The following ABCF2 variants were observed in gnomAD, a reference collection of about 807,000 sequenced individuals.
The protein encoded by ABCF2 is ATP-binding cassette sub-family F member 2.
A neutral mutation model predicts 76.9 loss-of-function variants in ABCF2; 37 were observed. The observed-to-expected ratio is 0.48, with a 90% CI of 0.37 to 0.63. The LOEUF is 0.63. Ranked by LOEUF, ABCF2 falls within the 30% of genes least tolerant of loss-of-function variation. ABCF2 has a pLI of 0.00. For synonymous variants in ABCF2, 299 were observed against 283.7 expected (o/e 1.05, Z -0.54); for missense variants, 524 against 782.1 (o/e 0.67, Z 3.94).
chr7:151,221,753 C>A, intron 6 of ABCF2, 73 bp from the exon 7 acceptor site: 1 of 1,122,254 alleles, frequency 8.9e-7, no homozygotes, highest in South Asian at 1.2e-5. Flanking sequence ...AACTGAAAGT[C>A]AGGCCCATCC....
At chr7:151,218,231 A>C in intron 10 of ABCF2, 40 bp from the exon 11 acceptor site, 1 of 1,400,158 alleles carries the variant, frequency 7.1e-7, no homozygotes, top group East Asian at 2.3e-5. Context: ...CAAGGCTAGA[A>C]TACAGATCTG....
rs201099390 is a variant in ABCF2 at position 151,216,016 on chromosome 7, T to C, written c.1352A>G (p.Asp451Gly). 6.2e-7 allele frequency: 1 copy of C among 1,614,112 alleles called. No homozygotes were observed. The highest frequency in any genetic ancestry group is 8.5e-7 in the Non-Finnish European group (1 of 1,179,982). Residue 451 changes from aspartate (D) to glycine (G), a missense_variant, in exon 12 of 15, where the codon GAT becomes GGT. By Grantham distance (94) the Asp-to-Gly change is moderately conservative. Transcript: ENST00000287844. The part of the protein sequence containing the change: ...KLLTGELLPT[D>G]GMIRKHSHVK... ...ATGAGAGTGTTTTCGGATCATGCCA[T>C]CTGTGGGTAGTAGCTAGGAAGAAAA... is the stretch of plus-strand genomic sequence containing the variant.
At chr7:151,220,101 GAA>G (rs930006481) in intron 7 of ABCF2, among the ~76,000 whole-genome samples, 1 of 148,392 alleles carries the variant, frequency 6.7e-6, no homozygotes, top group African/African-American at 2.5e-5. Context: ...CCCATCTCGA[GAA>G]AAAAGAGGCC....
chr7:151,212,295 A>G lies in ABCF2; in HGVS notation c.*1759T>C, dbSNP rs999274964. On this transcript the variant is annotated 3_prime_UTR_variant, in exon 15 of 15. Coordinates refer to ENST00000287844, the MANE Select transcript of ABCF2 (RefSeq NM_007189.3). The stretch of plus-strand genomic sequence containing the variant: ...CTATTGAAGTTCAAAAGACCCAGAT[A>G]AGGTATGCAGAGCCCTGGGCTGGAA... 5 of 985,390 alleles carry G rather than the reference A, an allele frequency of 5.1e-6. No individual in the cohort carries two copies. The highest frequency in any genetic ancestry group is 6.0e-6 in the Non-Finnish European group (5 of 829,942). 61.0% of individuals were successfully genotyped at this position (985,390 alleles called of 1,614,324 possible).
chr7:151,224,091 T>C lies in ABCF2; in HGVS notation c.391A>G (p.Ile131Val), dbSNP rs369375304. The change falls in exon 4 of 15, where the codon ATT becomes GTT. Residue 131 changes from isoleucine to valine, a missense_variant. Coordinates refer to ENST00000287844, the MANE Select transcript of ABCF2 (RefSeq NM_007189.3). ...GIGKSMLLSA[I>V]GKREVPIPEH... ...GGGATGGGCACTTCACGCTTCCCAA[T>C]AGCAGAGAGCAGCATGGACTTTCCT... 98 of 1,614,028 alleles carry C rather than the reference T, an allele frequency of 6.1e-5. No homozygotes were observed. Among genetic ancestry groups the C allele is most frequent in the East Asian group, 2.9e-4 (13 of 44,896 alleles).
intron 10 of ABCF2, 58 bp downstream of exon 10, chr7:151,218,503 T>G: frequency 2.9e-5 from 42 of 1,443,758 alleles, no homozygotes; most frequent in Non-Finnish European, 3.8e-5. Context: ...GCAACTCCCA[T>G]GAGCTGCCAC....
Position 151,213,734 on chromosome 7 carries a change from T to A in ABCF2, c.*320A>T. ...TCCTCCGCAGGCCAAATCCAGGGCT[T>A]GGGCCCCTGGGCTAACCCGCAGGTG... On this transcript the variant is annotated 3_prime_UTR_variant, in exon 15 of 15. Transcript: ENST00000287844. The A allele has an allele frequency of 9.0e-7, 1 of 1,116,536 alleles. No homozygotes were observed. Among genetic ancestry groups the A allele is most frequent in the Middle Eastern group, 3.9e-4 (1 of 2,590 alleles). The allele number at this position is 1,116,536 out of a possible 1,614,324, so 69.2% of individuals were successfully genotyped here. A position where few individuals can be genotyped will look rare whatever the true frequency, so the allele number is the denominator to read the frequency against.
At chr7:151,225,524 G>A (rs1802355065) in intron 2 of ABCF2, among the ~76,000 whole-genome samples, 1 of 152,246 alleles carries the variant, frequency 6.6e-6, no homozygotes, top group Non-Finnish European at 1.5e-5. Context: ...TTGACTGAGA[G>A]ACGCTTCATT....
At position 151,213,006 on chromosome 7, in the gene ABCF2, C is replaced by T; in HGVS notation, c.*1048G>A. 1.1e-6 allele frequency: 1 copy of T among 926,304 alleles called. No individual in the cohort carries two copies. The highest frequency in any genetic ancestry group is 1.3e-6 in the Non-Finnish European group (1 of 776,114). The allele number at this position is 926,304 out of a possible 1,614,324, so 57.4% of individuals were successfully genotyped here. On this transcript the variant is annotated 3_prime_UTR_variant, in exon 15 of 15. Coordinates refer to ENST00000287844, the MANE Select transcript of ABCF2 (RefSeq NM_007189.3). ...CTTGAACTCCTGAGCTCAAGTGATC[C>T]ACCTGCCTCAGCCTCCCAAAGCGCT...
At chr7:151,224,216 T>C in intron 3 of ABCF2, 102 bp from the exon 4 acceptor site, 1 of 1,243,234 alleles carries the variant, frequency 8.0e-7, no homozygotes, top group Non-Finnish European at 1.1e-6. Context: ...ATCCATTTTT[T>C]TTTTTTTGAG....
At chr7:151,221,722 G>A (rs1219117867) in intron 6 of ABCF2, 42 bp from the exon 7 acceptor site, 3 of 1,417,126 alleles carry the variant, frequency 2.1e-6, no homozygotes. Flanking sequence ...CTCAACCATG[G>A]GAGCTAGCTG....
chr7:151,216,561 G>A (rs753972047), intron 11 of ABCF2, among the ~76,000 whole-genome samples: 14 of 152,188 alleles, frequency 9.2e-5, no homozygotes, highest in Non-Finnish European at 1.6e-4. Context: ...GTCTCGCTCT[G>A]TTGCCCAGGC....
chr7:151,215,095 G>T lies in ABCF2; in HGVS notation c.1531-13C>A, dbSNP rs773520412. 22 of 1,607,432 alleles carry T rather than the reference G, an allele frequency of 1.4e-5. 2 individuals carry two copies. The Middle Eastern group carries it at 2.8e-3, about 205-fold the overall frequency. ...GGATTGGGCTCACCTGAGTAGAACC[G>T]TGACCTACATATAACTTGGCATTAT... On this transcript the variant is annotated splice_polypyrimidine_tract_variant and intron_variant, in intron 13 of 14. Transcript: ENST00000287844. The surrounding 1 kb of genome is among the most constrained non-coding windows in gnomAD (Gnocchi z 4.6).
Position 151,215,772 on chromosome 7 carries a change from C to T in ABCF2, c.1402-40G>A. ...GAAGCCACCCGGGTGTGACTGGCAT[C>T]CCGCTTCAAAATAAACCCTACTAGG... On this transcript the variant is annotated intron_variant, in intron 12 of 14. Coordinates refer to ENST00000287844, the MANE Select transcript of ABCF2 (RefSeq NM_007189.3). This position sits in a 1 kb window ranked among gnomAD's most constrained non-coding sequence, Gnocchi z 4.6. 6.2e-7 allele frequency: 1 copy of T among 1,613,764 alleles called. No individual in the cohort carries two copies. Among genetic ancestry groups the T allele is most frequent in the Non-Finnish European group, 8.5e-7 (1 of 1,179,778 alleles).
chr7:151,219,746 A>G (rs1370852916), intron 7 of ABCF2, among the ~76,000 whole-genome samples: 1 of 152,274 alleles, frequency 6.6e-6, no homozygotes, highest in Non-Finnish European at 1.5e-5. Flanking sequence ...ATATACTCAC[A>G]TGGAAAGCAG....
chr7:151,221,726 C>T, intron 6 of ABCF2, 46 bp from the exon 7 acceptor site: 1 of 1,403,312 alleles, frequency 7.1e-7, no homozygotes, highest in Admixed American at 1.7e-5. Context: ...ACCATGGGAG[C>T]TAGCTGACAA....
At position 151,215,550 on chromosome 7, in the gene ABCF2, C is replaced by A; in HGVS notation, c.1530+54G>T. The A allele has an allele frequency of 1.2e-6, 2 of 1,606,762 alleles. No homozygotes were observed. ...GCCAGGACAGTATCCCCTGACCCAC[C>A]CAGCCACAGTCTGCCAGCTATCTGG... On this transcript the variant is annotated intron_variant, in intron 13 of 14. Coordinates refer to ENST00000287844, the MANE Select transcript of ABCF2 (RefSeq NM_007189.3). This position sits in a 1 kb window ranked among gnomAD's most constrained non-coding sequence, Gnocchi z 4.6.
rs75750960 is a variant in ABCF2 at position 151,225,303 on chromosome 7, C to T, written c.155-315G>A. 8.9e-3 allele frequency among the ~76,000 whole-genome samples: 1,361 copies of T among 152,330 alleles called. 11 individuals are homozygous for T. Among genetic ancestry groups the T allele is most frequent in the Non-Finnish European group, 0.013 (916 of 68,040 alleles). On this transcript the variant is annotated intron_variant, in intron 2 of 14. Coordinates refer to ENST00000287844, the MANE Select transcript of ABCF2 (RefSeq NM_007189.3). Reference sequence around the variant, plus strand: ...AAGTCCCCCTTTTCTGAACGCCTATCTGTTACAACTTGCAGACTAATTCTC... The same window carrying T: ...AAGTCCCCCTTTTCTGAACGCCTATTTGTTACAACTTGCAGACTAATTCTC...
chr7:151,224,970 T>C lies in ABCF2; in HGVS notation c.173A>G (p.Lys58Arg). 1 of 1,614,138 alleles carries C rather than the reference T, an allele frequency of 6.2e-7. No individual in the cohort carries two copies. Among genetic ancestry groups the C allele is most frequent in the East Asian group, 2.2e-5 (1 of 44,888 alleles). ...RETTEVDLLT[K>R]ELEDFEMKKA... ...CTTCATCTCAAAGTCCTCTAGCTCC[T>C]TGGTCAGCAAATCTACTTCTGCGGA... Residue 58 changes from lysine to arginine, a missense_variant, in exon 3 of 15, where the codon AAG becomes AGG. By Grantham distance (26) the Lys-to-Arg change is conservative. Around this residue, in one of 2 missense-constraint regions of ABCF2, gnomAD observed 330 missense variants for 433.6 expected, o/e 0.76. Transcript: ENST00000287844.
Sources: gnomAD v4.1 joint callset for allele counts (sites outside exome capture counted in the v4.1 genomes callset) on GRCh38, gnomAD v4.1.1 for gene constraint, gnomAD v4.1.1 regional missense constraint, Gnocchi (gnomAD v3.1) non-coding constraint, MANE v1.5 for transcripts, NCBI Gene and HGNC (gene_info 2026-07-23, HGNC 2026-07-21) for gene names.